The following PTPRK variants were observed in gnomAD, a reference collection of about 807,000 sequenced individuals.
The protein encoded by PTPRK is receptor-type tyrosine-protein phosphatase kappa.
PTPRK carries 75 observed loss-of-function variants against 178.0 expected under a neutral mutation model. That is an observed-to-expected ratio of 0.42 (90% CI 0.35 to 0.51). The LOEUF (loss-of-function observed/expected upper bound fraction) is 0.51. Among genes scored for constraint, PTPRK ranks in the 20% least tolerant of loss-of-function variants. The pLI is 0.02. For synonymous variants in PTPRK, 637 were observed against 620.6 expected, an observed-to-expected ratio of 1.03 and a Z score of -0.39; for missense variants, 1,441 against 1,797.8, an observed-to-expected ratio of 0.80 and a Z score of 3.59.
chr6:128,064,824 G>T (rs562866090), intron 12 of PTPRK, 30 bp from the exon 13 acceptor site: 2 of 1,558,850 alleles, frequency 1.3e-6, no homozygotes, highest in East Asian at 4.6e-5. Context: ...AAAAAAAAGA[G>T]TCAATGTACA....
At chr6:128,165,536 AC>A (rs1449179698) in intron 7 of PTPRK, among the ~76,000 whole-genome samples, 3 of 151,228 alleles carry the variant, frequency 2.0e-5, no homozygotes. Flanking sequence ...TATGAAGTTA[AC>A]CATGGCTTCG....
chr6:128,183,679 A>T (rs1583371981), intron 7 of PTPRK, among the ~76,000 whole-genome samples: 1 of 152,182 alleles, frequency 6.6e-6, no homozygotes, highest in East Asian at 1.9e-4. Flanking sequence ...TACACTAAAA[A>T]TGTAGTCAAG....
chr6:127,982,801 C>A, intron 24 of PTPRK, 30 bp downstream of exon 24: 1 of 1,578,304 alleles, frequency 6.3e-7, no homozygotes, highest in Non-Finnish European at 8.6e-7. Flanking sequence ...TGTAGTAAGT[C>A]ACAAAAGAGG....
chr6:128,298,438 A>G (rs1296916619), intron 3 of PTPRK, among the ~76,000 whole-genome samples: 1 of 143,386 alleles, frequency 7.0e-6, no homozygotes, highest in East Asian at 1.9e-4. Flanking sequence ...AAAGACCAAT[A>G]TCCTTGATGA....
At chr6:128,387,848 G>A (rs992887881) in intron 2 of PTPRK, among the ~76,000 whole-genome samples, 9 of 151,976 alleles carry the variant, frequency 5.9e-5, no homozygotes, top group African/African-American at 4.8e-5. Flanking sequence ...CTGATGCTAG[G>A]CTGAATAACG....
At chr6:128,397,771 G>T in intron 1 of PTPRK, 83 bp from the exon 2 acceptor site, 1 of 1,341,424 alleles carries the variant, frequency 7.5e-7, no homozygotes, top group African/African-American at 1.4e-5. Context: ...ATGTTATATT[G>T]ATATATATAA....
intron 3 of PTPRK, among the ~76,000 whole-genome samples, chr6:128,267,328 T>C (rs1211887531): frequency 6.6e-6 from 1 of 152,150 alleles, no homozygotes; most frequent in Non-Finnish European, 1.5e-5. Flanking sequence ...TCTTCTGTCT[T>C]ATTTATTATT....
chr6:128,325,774 A>G (rs1012042781), intron 2 of PTPRK, among the ~76,000 whole-genome samples: 1 of 152,198 alleles, frequency 6.6e-6, no homozygotes, highest in Non-Finnish European at 1.5e-5. Context: ...TTCCTCAAGG[A>G]TCTAAAACTA....
intron 2 of PTPRK, among the ~76,000 whole-genome samples, chr6:128,333,911 G>A (rs1460360455): frequency 1.3e-5 from 2 of 152,112 alleles, no homozygotes; most frequent in Non-Finnish European, 2.9e-5. Flanking sequence ...TGAGAGACCT[G>A]CAGTTATTCC....
At chr6:128,275,018 A>G (rs1290833418) in intron 3 of PTPRK, among the ~76,000 whole-genome samples, 1 of 152,070 alleles carries the variant, frequency 6.6e-6, no homozygotes, top group East Asian at 1.9e-4. Context: ...AGAAAAAAAT[A>G]AATCTGTGCG....
chr6:128,374,751 C>A (rs1053137603), intron 2 of PTPRK, among the ~76,000 whole-genome samples: 1 of 152,158 alleles, frequency 6.6e-6, no homozygotes, highest in African/African-American at 2.4e-5. Flanking sequence ...ATCCCGCACT[C>A]AGTATGACCC....
intron 2 of PTPRK, among the ~76,000 whole-genome samples, chr6:128,344,370 T>G (rs575993692): frequency 6.6e-6 from 1 of 152,306 alleles, no homozygotes; most frequent in African/African-American, 2.4e-5. Flanking sequence ...ATCAGGATTC[T>G]TATGCTGAAT....
chr6:128,494,989 C>A (rs1042940695), intron 1 of PTPRK, among the ~76,000 whole-genome samples: 1 of 152,166 alleles, frequency 6.6e-6, no homozygotes, highest in East Asian at 1.9e-4. Context: ...CTCAACTCTC[C>A]GGTATGTGTT....
chr6:128,184,650 T>C lies in PTPRK; in HGVS notation c.944A>G (p.Asn315Ser), dbSNP rs1802465266. ...GATAGGACCATCGCCAATGATCGAG[T>C]TGGCATTTAGTTGGATCAGCAAATA... ...PTYLLIQLNA[N>S]SIIGDGPIIL... The change falls in exon 7 of 30, where the codon AAC (asparagine) becomes AGC (serine). Residue 315 changes from asparagine (N) to serine (S), a missense_variant. Physicochemically the swap from Asn to Ser is conservative, Grantham distance 46. Transcript: ENST00000368226. 6.2e-7 allele frequency: 1 copy of C among 1,613,902 alleles called. No individual in the cohort carries two copies. The highest frequency in any genetic ancestry group is 8.5e-7 in the Non-Finnish European group (1 of 1,179,950).
chr6:128,514,986 GT>G (rs1312603903), intron 1 of PTPRK, among the ~76,000 whole-genome samples: 3 of 152,230 alleles, frequency 2.0e-5, no homozygotes, highest in Non-Finnish European at 4.4e-5. Context: ...AACCTTTTAT[GT>G]GAAACTACGT....
At chr6:128,265,981 G>A (rs1221506547) in intron 3 of PTPRK, among the ~76,000 whole-genome samples, 1 of 152,048 alleles carries the variant, frequency 6.6e-6, no homozygotes, top group African/African-American at 2.4e-5. Flanking sequence ...ACAGTGAGTA[G>A]GCACTGTCTA....
chr6:128,157,849 T>C (rs966849573), intron 7 of PTPRK, among the ~76,000 whole-genome samples: 1 of 152,102 alleles, frequency 6.6e-6, no homozygotes, highest in Non-Finnish European at 1.5e-5. Context: ...CTTTGTCAGA[T>C]GGGTAGATTG....
chr6:128,393,280 G>A (rs9402037), intron 2 of PTPRK, among the ~76,000 whole-genome samples: 14,623 of 151,780 alleles, frequency 0.096, 1,549 homozygotes, highest in East Asian at 0.32. Flanking sequence ...TAGTAGAGAC[G>A]GGGTTTCACC....
intron 7 of PTPRK, among the ~76,000 whole-genome samples, chr6:128,130,577 C>T (rs964845039): frequency 9.9e-5 from 15 of 152,240 alleles, no homozygotes; most frequent in Admixed American, 4.6e-4. Flanking sequence ...TAGTCATTAT[C>T]GAGTGAAAGG....
Sources: gnomAD v4.1 joint callset for allele counts (sites outside exome capture counted in the v4.1 genomes callset) on GRCh38, gnomAD v4.1.1 for gene constraint, MANE v1.5 for transcripts, NCBI Gene and HGNC (gene_info 2026-07-23, HGNC 2026-07-21) for gene names.